Variants in SLC26A8 observed in about 807,000 individuals in gnomAD.
The protein encoded by SLC26A8 is testis anion transporter 1.
In SLC26A8, 70 loss-of-function variants were observed where a neutral mutation model predicts 105.0. The observed-to-expected ratio is 0.67, with a 90% confidence interval of 0.55 to 0.81. SLC26A8 has a LOEUF of 0.81. Among genes scored for constraint, SLC26A8 ranks in the 40% least tolerant of loss-of-function variants. SLC26A8 has a pLI of 0.00. For missense variants in SLC26A8, 998 were observed against 1,181.8 expected (o/e 0.84, Z 2.28); for synonymous variants, 415 against 438.3 (o/e 0.95, Z 0.66).
chr6:36,007,842 T>C (rs573623316), intron 3 of SLC26A8, among the ~76,000 whole-genome samples: 30 of 151,234 alleles, frequency 2.0e-4, no homozygotes, highest in East Asian at 1.4e-3. Flanking sequence ...GTGTTGAGGC[T>C]GGGCGCGGTG....
intron 2 of SLC26A8, among the ~76,000 whole-genome samples, chr6:36,014,758 C>T (rs778856185): frequency 4.0e-5 from 6 of 151,772 alleles, no homozygotes; most frequent in Admixed American, 6.6e-5. Context: ...CCCAGCTACT[C>T]GGGAGGCTGA....
intron 10 of SLC26A8, among the ~76,000 whole-genome samples, chr6:35,972,411 A>G (rs1011037363): frequency 6.6e-6 from 1 of 151,228 alleles, no homozygotes; most frequent in Non-Finnish European, 1.5e-5. Context: ...AAAAAAAATC[A>G]TAAGGCCTCC....
intron 19 of SLC26A8, among the ~76,000 whole-genome samples, chr6:35,947,990 A>T (rs1035713141): frequency 2.0e-5 from 3 of 152,248 alleles, no homozygotes; most frequent in African/African-American, 7.2e-5. Flanking sequence ...GAAGAAAGTC[A>T]CAAAACCTTA....
intron 5 of SLC26A8, among the ~76,000 whole-genome samples, chr6:35,997,142 G>A (rs1761377950): frequency 6.6e-6 from 1 of 152,174 alleles, no homozygotes; most frequent in African/African-American, 2.4e-5. Flanking sequence ...TACTGGTACT[G>A]GTTTGTGGCC....
intron 10 of SLC26A8, among the ~76,000 whole-genome samples, chr6:35,972,626 T>C (rs939819626): frequency 6.6e-6 from 1 of 152,192 alleles, no homozygotes; most frequent in African/African-American, 2.4e-5. Flanking sequence ...CTTCTCAGCA[T>C]TCCTAGGGAC....
intron 19 of SLC26A8, among the ~76,000 whole-genome samples, chr6:35,948,779 T>TA (rs1160736547): frequency 6.6e-6 from 1 of 152,170 alleles, no homozygotes. Flanking sequence ...ATGAGTGGCT[T>TA]CCAAAATCCA....
chr6:35,972,281 C>T (rs1196133343), intron 10 of SLC26A8, among the ~76,000 whole-genome samples: 1 of 151,988 alleles, frequency 6.6e-6, no homozygotes, highest in South Asian at 2.1e-4. Context: ...CAAGAGCCCC[C>T]AGCGGGTTGG....
chr6:35,957,099 G>A (rs990859190), intron 16 of SLC26A8, among the ~76,000 whole-genome samples: 1 of 152,032 alleles, frequency 6.6e-6, no homozygotes, highest in Non-Finnish European at 1.5e-5. Context: ...GTAAATGCCT[G>A]TAATCTCAGC....
chr6:35,993,156 ATTT>A (rs70975122), intron 5 of SLC26A8, among the ~76,000 whole-genome samples: 23,900 of 86,166 alleles, frequency 0.28, 3,834 homozygotes, highest in East Asian at 0.61. Flanking sequence ...CACACTGGGC[ATTT>A]TTTTTTTTTT....
chr6:35,946,173 A>T (rs1771651173), intron 19 of SLC26A8, among the ~76,000 whole-genome samples: 1 of 152,182 alleles, frequency 6.6e-6, no homozygotes, highest in Non-Finnish European at 1.5e-5. Context: ...CTGCAGGTTC[A>T]TAAATTCACT....
At chr6:35,955,009 C>G in intron 17 of SLC26A8, 143 bp downstream of exon 17, 1 of 865,594 alleles carries the variant, frequency 1.2e-6, no homozygotes, top group East Asian at 2.4e-5. Context: ...TTATATTGTA[C>G]TGCCTTTGGT....
At position 36,024,612 on chromosome 6, in the gene SLC26A8, G is replaced by A; in HGVS notation, c.-111C>T. 1 of 384,356 alleles carries A rather than the reference G, an allele frequency of 2.6e-6. No homozygotes were observed. Among genetic ancestry groups the A allele is most frequent in the Non-Finnish European group, 5.2e-6 (1 of 192,562 alleles). The allele number at this position is 384,356 out of a possible 1,614,324, so 23.8% of individuals were successfully genotyped here. A position where few individuals can be genotyped will look rare whatever the true frequency, so the allele number is the denominator to read the frequency against. Reference sequence around the variant, plus strand: ...CCGGCGGCGGTTCCCGAGCCGTTGTGGCCTAGCCCGCGGGCGTTCCGGGCG... The same window carrying A: ...CCGGCGGCGGTTCCCGAGCCGTTGTAGCCTAGCCCGCGGGCGTTCCGGGCG... On this transcript the variant is annotated 5_prime_UTR_variant, in exon 1 of 20. Transcript: ENST00000490799.
intron 3 of SLC26A8, among the ~76,000 whole-genome samples, chr6:36,000,588 A>G (rs910329032): frequency 6.6e-6 from 1 of 152,210 alleles, no homozygotes; most frequent in Non-Finnish European, 1.5e-5. Flanking sequence ...CTCTTCCTTC[A>G]GCTGCTTCTC....
In SLC26A8 at chr6:35,962,515, T is replaced by C. The variant is rs377489486; in HGVS notation, c.1461+11A>G. ...GCCCTCCCCTTCCTCAGCCAGGGCA[T>C]CTACACTCACACAGTCATATTGGTC... On this transcript the variant is annotated intron_variant, in intron 12 of 19. Transcript: ENST00000490799. 2 of 1,611,086 alleles carry C rather than the reference T, an allele frequency of 1.2e-6. No homozygotes were observed. The highest frequency in any genetic ancestry group is 2.2e-5 in the East Asian group (1 of 44,856).
Position 36,019,526 on chromosome 6 carries a change from T to C in SLC26A8, c.182A>G (p.Gln61Arg), listed in dbSNP as rs749626180. 1 of 1,613,054 alleles carries C rather than the reference T, an allele frequency of 6.2e-7. No individual in the cohort carries two copies. Among genetic ancestry groups the C allele is most frequent in the Non-Finnish European group, 8.5e-7 (1 of 1,179,734 alleles). ...INITTFRHHV[Q>R]CRCSWHRFLR... ...AAAGATTGGACACACGCACCGGCAC[T>C]GGACGTGGTGTCTGAAGGTGGTGAT... The change falls in exon 2 of 20, where the codon CAG becomes CGG. Residue 61 changes from glutamine (Q) to arginine (R), a missense_variant. Physicochemically the swap from Gln to Arg is conservative, Grantham distance 43. Coordinates refer to ENST00000490799, the MANE Select transcript of SLC26A8 (RefSeq NM_052961.4).
At position 35,977,215 on chromosome 6, in the gene SLC26A8, T is replaced by C. The variant is rs1402537887; in HGVS notation, c.1162A>G (p.Asn388Asp). Residue 388 changes from asparagine (N) to aspartate (D), a missense_variant, in exon 9 of 20, where the codon AAT becomes GAT. Coordinates refer to ENST00000490799, the MANE Select transcript of SLC26A8 (RefSeq NM_052961.4). ...KIASLHNYSV[N>D]SNQDLIAIGL... The stretch of plus-strand genomic sequence containing the variant: ...AGTAGTCCTCTCACCTGGTTGGAAT[T>C]GACACTGTAATTGTGAAGACTGGCA... 6.2e-7 allele frequency: 1 copy of C among 1,613,712 alleles called. No individual in the cohort carries two copies. The highest frequency in any genetic ancestry group is 8.5e-7 in the Non-Finnish European group (1 of 1,179,900).
At position 35,993,188 on chromosome 6, in the gene SLC26A8, G is replaced by GGTGC. The variant is rs1562054834; in HGVS notation, c.628-515_628-514insGCAC. On this transcript the variant is annotated intron_variant, in intron 5 of 19. Coordinates refer to ENST00000490799, the MANE Select transcript of SLC26A8 (RefSeq NM_052961.4). The stretch of plus-strand genomic sequence containing the variant: ...TTTTTTTTTTTTTTGATAGAGATTG[G>GGTGC]AGGGGGGGGTCTTGCTATATTACCT... 9.7e-3 allele frequency among the ~76,000 whole-genome samples: 981 copies of GGTGC among 100,684 alleles called. 110 individuals carry two copies. The highest frequency in any genetic ancestry group is 0.031 in the African/African-American group (933 of 30,192). The allele number at this position is 100,684 out of a possible 152,430, so 66.1% of individuals were successfully genotyped here.
At chr6:35,960,338 A>G (rs1214243907) in intron 14 of SLC26A8, 1 of 160,444 alleles carries the variant, frequency 6.2e-6, no homozygotes, top group African/African-American at 2.4e-5. Context: ...ACTGGCTGCA[A>G]TACTATAAGA....
Position 35,943,788 on chromosome 6 carries a change from C to A in SLC26A8, c.*112G>T. On this transcript the variant is annotated 3_prime_UTR_variant, in exon 20 of 20. Coordinates refer to ENST00000490799, the MANE Select transcript of SLC26A8 (RefSeq NM_052961.4). Reference sequence around the variant, plus strand: ...GCTGGCAGGTAGTAGGAGTCACAGTCAGGAAGGAAGTACTGCTAGTTCGTA... The same window carrying A: ...GCTGGCAGGTAGTAGGAGTCACAGTAAGGAAGGAAGTACTGCTAGTTCGTA... 1 of 1,461,982 alleles carries A rather than the reference C, an allele frequency of 6.8e-7. No individual in the cohort carries two copies. Among genetic ancestry groups the A allele is most frequent in the Non-Finnish European group, 9.1e-7 (1 of 1,093,072 alleles). The allele number at this position is 1,461,982 out of a possible 1,614,324, so 90.6% of individuals were successfully genotyped here. A position where few individuals can be genotyped will look rare whatever the true frequency, so the allele number is the denominator to read the frequency against.
Sources: allele counts gnomAD v4.1 joint callset (sites outside exome capture counted in the v4.1 genomes callset), GRCh38; gene constraint gnomAD v4.1.1; transcripts MANE v1.5; gene names NCBI Gene and HGNC (gene_info 2026-07-23, HGNC 2026-07-21).